The following IQCF1 variants were observed in gnomAD, a reference collection of about 807,000 sequenced individuals.
The protein encoded by IQCF1 is IQ motif containing F1.
Under a neutral mutation model 12.5 loss-of-function variants are expected in IQCF1, and 9 were observed. The ratio of observed to expected loss-of-function variants is 0.72; its 90% CI spans 0.43 to 1.26. The LOEUF (loss-of-function observed/expected upper bound fraction) is 1.26, where lower values mean the gene tolerates loss of function less well. Among genes scored for constraint, IQCF1 ranks in the 50% most tolerant of loss-of-function variants. The probability of loss-of-function intolerance (pLI) is 0.00; values close to 1 mark genes in which losing one functional copy is unlikely to be tolerated. For missense variants in IQCF1, 252 were observed against 257.4 expected (o/e 0.98, Z 0.14); for synonymous variants, 67 against 96.2 (o/e 0.70, Z 1.78).
chr3:51,896,606 C>T (rs999000999), intron 3 of IQCF1, among the ~76,000 whole-genome samples: 2 of 152,090 alleles, frequency 1.3e-5, no homozygotes, highest in African/African-American at 4.8e-5. Context: ...TTCAAACTTA[C>T]ATCTCTTCCC....
intron 2 of IQCF1, 86 bp downstream of exon 2, chr3:51,902,899 T>C: frequency 9.6e-7 from 1 of 1,046,080 alleles, no homozygotes. Context: ...CACAGAAACT[T>C]CACTTATAAC....
intron 2 of IQCF1, among the ~76,000 whole-genome samples, chr3:51,898,216 CAAAG>C (rs1239644327): frequency 6.7e-6 from 1 of 148,882 alleles, no homozygotes; most frequent in African/African-American, 2.5e-5. Context: ...GAAACACAGT[CAAAG>C]AGAGAGAGAA....
In IQCF1 at chr3:51,895,467, G is replaced by A. The variant is rs1027079465; in HGVS notation, c.172-131C>T. 14 of 779,496 alleles carry A rather than the reference G, an allele frequency of 1.8e-5. No homozygotes were observed. The highest frequency in any genetic ancestry group is 3.5e-5 in the African/African-American group (2 of 56,976). The allele number at this position is 779,496 out of a possible 1,614,324, so 48.3% of individuals were successfully genotyped here. ...CTGGAATTCAGGAGCACTGGGCAGG[G>A]CACTGGCTGGAACCAGAAGATCAGG... On this transcript the variant is annotated intron_variant, in intron 3 of 3. Transcript: ENST00000310914. The surrounding 1 kb of genome is among the most constrained non-coding windows in gnomAD (Gnocchi z 4.8).
chr3:51,897,502 G>GC (rs1314480823), intron 2 of IQCF1, among the ~76,000 whole-genome samples: 3 of 152,316 alleles, frequency 2.0e-5, no homozygotes, highest in African/African-American at 7.2e-5. Context: ...ACGTGAGGAG[G>GC]CATGCCCCAC....
chr3:51,899,233 A>T, intron 2 of IQCF1, among the ~76,000 whole-genome samples: 1 of 152,292 alleles, frequency 6.6e-6, no homozygotes, highest in East Asian at 1.9e-4. Context: ...GTAAAAAGGG[A>T]TATTATATGG....
intron 3 of IQCF1, among the ~76,000 whole-genome samples, chr3:51,896,485 A>G (rs780479624): frequency 1.3e-5 from 2 of 152,202 alleles, no homozygotes; most frequent in South Asian, 2.1e-4. Context: ...GTCATGGACC[A>G]TGGTCACTCA....
intron 2 of IQCF1, among the ~76,000 whole-genome samples, chr3:51,897,249 C>T (rs1390339584): frequency 1.3e-5 from 2 of 152,156 alleles, no homozygotes; most frequent in Admixed American, 1.3e-4. Context: ...AATAGGGGAA[C>T]GACACAGCAG....
At position 51,895,431 on chromosome 3, in the gene IQCF1, T is replaced by A; in HGVS notation, c.172-95A>T. 9.0e-7 allele frequency: 1 copy of A among 1,113,084 alleles called. No homozygotes were observed. The highest frequency in any genetic ancestry group is 1.3e-6 in the Non-Finnish European group (1 of 787,108). The allele number at this position is 1,113,084 out of a possible 1,614,324, so 69.0% of individuals were successfully genotyped here. On this transcript the variant is annotated intron_variant, in intron 3 of 3. Transcript: ENST00000310914. This position sits in a 1 kb window ranked among gnomAD's most constrained non-coding sequence, Gnocchi z 4.8. The stretch of plus-strand genomic sequence containing the variant: ...AAGGCCCTGATTCCCTATCAGCAAC[T>A]GTCTCTTTTTCTGGAATTCAGGAGC...
In IQCF1 at chr3:51,900,105, C is replaced by G. The variant is rs1177027099; in HGVS notation, c.108+2880G>C. Among the ~76,000 whole-genome samples the G allele has an allele frequency of 1.3e-5, 2 of 152,102 alleles. No individual in the cohort carries two copies. Among genetic ancestry groups the G allele is most frequent in the Non-Finnish European group, 2.9e-5 (2 of 68,008 alleles). On this transcript the variant is annotated intron_variant, in intron 2 of 3. Transcript: ENST00000310914. The surrounding 1 kb of genome is among the most constrained non-coding windows in gnomAD (Gnocchi z 4.2). ...AAAGTCTTTTAGCACAGGTACCACCCCTAGAATTTCCGGTAAACCAGCACC... is the reference window on the plus strand; with the variant it reads ...AAAGTCTTTTAGCACAGGTACCACCGCTAGAATTTCCGGTAAACCAGCACC...
In IQCF1 at chr3:51,895,475, T is replaced by C. The variant is rs151226214; in HGVS notation, c.172-139A>G. Reference sequence around the variant, plus strand: ...CAGGAGCACTGGGCAGGGCACTGGCTGGAACCAGAAGATCAGGTAGATGTC... The same window carrying C: ...CAGGAGCACTGGGCAGGGCACTGGCCGGAACCAGAAGATCAGGTAGATGTC... On this transcript the variant is annotated intron_variant, in intron 3 of 3. Transcript: ENST00000310914. This position sits in a 1 kb window ranked among gnomAD's most constrained non-coding sequence, Gnocchi z 4.8. 1.5e-3 allele frequency: 1,146 copies of C among 740,830 alleles called. 13 individuals carry two copies. The African/African-American group carries it at 0.018, about 12-fold the overall frequency. 45.9% of individuals were successfully genotyped at this position (740,830 alleles called of 1,614,324 possible).
At position 51,900,335 on chromosome 3, in the gene IQCF1, G is replaced by A. The variant is rs1307245703; in HGVS notation, c.108+2650C>T. On this transcript the variant is annotated intron_variant, in intron 2 of 3. Transcript: ENST00000310914. The surrounding 1 kb of genome is among the most constrained non-coding windows in gnomAD (Gnocchi z 4.2). The stretch of plus-strand genomic sequence containing the variant: ...CAGGGGAAAACCCTATCAAACTAAA[G>A]CTAAGAAGAATTTAACTCTCTTTCA... Among the ~76,000 whole-genome samples the A allele has an allele frequency of 6.6e-6, 1 of 152,186 alleles. No individual in the cohort carries two copies. Among genetic ancestry groups the A allele is most frequent in the African/African-American group, 2.4e-5 (1 of 41,444 alleles).
At position 51,902,854 on chromosome 3, in the gene IQCF1, G is replaced by T. The variant is rs563799388; in HGVS notation, c.108+131C>A. The T allele has an allele frequency of 1.3e-5, 11 of 837,020 alleles. No homozygotes were observed. In the East Asian group the frequency reaches 1.5e-4, roughly 11 times the overall value. The allele number at this position is 837,020 out of a possible 1,614,324, so 51.8% of individuals were successfully genotyped here. On this transcript the variant is annotated intron_variant, in intron 2 of 3. Coordinates refer to ENST00000310914, the MANE Select transcript of IQCF1 (RefSeq NM_152397.3). Reference sequence around the variant, plus strand: ...ACCTTGCCTTGCTGAGAATTAAAAAGAAAATTTTATATTTGAGTGCTATTT... The same window carrying T: ...ACCTTGCCTTGCTGAGAATTAAAAATAAAATTTTATATTTGAGTGCTATTT...
rs756995706 is a variant in IQCF1 at position 51,895,316 on chromosome 3, C to T, written c.192G>A (p.Lys64=). Residue 64 remains lysine, a synonymous_variant, in exon 4 of 4, where the codon AAG becomes AAA. Coordinates refer to ENST00000310914, the MANE Select transcript of IQCF1 (RefSeq NM_152397.3). This position sits in a 1 kb window ranked among gnomAD's most constrained non-coding sequence, Gnocchi z 4.8. The part of the protein sequence containing the change: ...KSEKPPENQK[K]LSDKDTVATK... ...TGGCTACCGTATCTTTGTCAGAGAG[C>T]TTCTTTTGGTTTTCTGGGGGCTTTC... 26 of 1,593,712 alleles carry T rather than the reference C, an allele frequency of 1.6e-5. No individual in the cohort carries two copies. The highest frequency in any genetic ancestry group is 3.3e-4 in the Middle Eastern group (2 of 6,022).
intron 2 of IQCF1, among the ~76,000 whole-genome samples, chr3:51,898,913 C>A (rs1458099943): frequency 6.6e-6 from 1 of 152,210 alleles, no homozygotes; most frequent in African/African-American, 2.4e-5. Flanking sequence ...ATTGCTCAAA[C>A]CTGCAAGCTG....
Position 51,900,042 on chromosome 3 carries a change from A to C in IQCF1, c.108+2943T>G, listed in dbSNP as rs776590665. ...AAGGTCAGTTTCTTAGAAATCATATACTCGGTTTATCTTCCACTTTCCTTT... is the reference window on the plus strand; with the variant it reads ...AAGGTCAGTTTCTTAGAAATCATATCCTCGGTTTATCTTCCACTTTCCTTT... On this transcript the variant is annotated intron_variant, in intron 2 of 3. Transcript: ENST00000310914. This position sits in a 1 kb window ranked among gnomAD's most constrained non-coding sequence, Gnocchi z 4.2. Among the ~76,000 whole-genome samples the C allele has an allele frequency of 6.6e-6, 1 of 152,090 alleles. No individual in the cohort carries two copies. The highest frequency in any genetic ancestry group is 1.5e-5 in the Non-Finnish European group (1 of 68,018).
At chr3:51,897,054 A>G (rs955859498) in intron 2 of IQCF1, among the ~76,000 whole-genome samples, 160 bp from the exon 3 acceptor site, 5 of 152,118 alleles carry the variant, frequency 3.3e-5, no homozygotes, top group African/African-American at 9.7e-5. Context: ...ACTTCCTCAT[A>G]AAGCAAGATT....
chr3:51,903,134 C>T, intron 1 of IQCF1, 45 bp from the exon 2 acceptor site: 1 of 1,600,560 alleles, frequency 6.2e-7, no homozygotes, highest in Non-Finnish European at 8.6e-7. Flanking sequence ...GCTGCGGTCC[C>T]TCCCTCTCCA....
rs1213242588 is a variant in IQCF1 at position 51,895,497 on chromosome 3, T to A, written c.172-161A>T. 6.6e-6 allele frequency among the ~76,000 whole-genome samples: 1 copy of A among 152,182 alleles called. No individual in the cohort carries two copies. The highest frequency in any genetic ancestry group is 1.5e-5 in the Non-Finnish European group (1 of 68,030). On this transcript the variant is annotated intron_variant, in intron 3 of 3. Coordinates refer to ENST00000310914, the MANE Select transcript of IQCF1 (RefSeq NM_152397.3). The surrounding 1 kb of genome is among the most constrained non-coding windows in gnomAD (Gnocchi z 4.8). ...GGCTGGAACCAGAAGATCAGGTAGA[T>A]GTCCTGCCTCTGCCATCCTCTGGTT... is the stretch of plus-strand genomic sequence containing the variant.
chr3:51,899,816 A>G (rs185355297), intron 2 of IQCF1, among the ~76,000 whole-genome samples: 228 of 152,358 alleles, frequency 1.5e-3, no homozygotes, highest in African/African-American at 5.2e-3. Flanking sequence ...AATTAAGTTT[A>G]ACATTAATAA....
Sources: allele counts gnomAD v4.1 joint callset (sites outside exome capture counted in the v4.1 genomes callset), GRCh38; gene constraint gnomAD v4.1.1; non-coding constraint Gnocchi (gnomAD v3.1); transcripts MANE v1.5; gene names NCBI Gene and HGNC (gene_info 2026-07-23, HGNC 2026-07-21).